The following MND1 variants were observed in gnomAD, a reference collection of about 807,000 sequenced individuals.
MND1 encodes the protein meiotic nuclear divisions 1.
Under a neutral mutation model 35.1 loss-of-function variants are expected in MND1, and 28 were observed. The ratio of observed to expected loss-of-function variants is 0.80; its 90% CI spans 0.59 to 1.09. The LOEUF is 1.09. Among genes scored for constraint, MND1 ranks in the 50% least tolerant of loss-of-function variants. The pLI, the probability that MND1 is intolerant of heterozygous loss-of-function variation, is 0.00. For missense variants in MND1, 213 were observed against 239.6 expected (o/e 0.89, Z 0.73); for synonymous variants, 69 against 70.5 (o/e 0.98, Z 0.11).
chr4:153,371,721 T>C (rs1374555941), intron 4 of MND1, among the ~76,000 whole-genome samples: 2 of 152,210 alleles, frequency 1.3e-5, no homozygotes, highest in Non-Finnish European at 2.9e-5. Flanking sequence ...AATACGGCTG[T>C]TTTGCTTTCT....
intron 6 of MND1, among the ~76,000 whole-genome samples, chr4:153,407,976 A>C (rs550067811): frequency 2.4e-4 from 37 of 152,264 alleles, no homozygotes; most frequent in Admixed American, 1.2e-3. Context: ...TTTTGTGACT[A>C]TCATAAAAAC....
At chr4:153,397,540 G>A (rs1413407028) in intron 6 of MND1, among the ~76,000 whole-genome samples, 1 of 152,124 alleles carries the variant, frequency 6.6e-6, no homozygotes, top group Non-Finnish European at 1.5e-5. Flanking sequence ...TAATGTGCCG[G>A]GCACGTTGGC....
At position 153,353,145 on chromosome 4, in the gene MND1, CAT is replaced by C. The variant is rs529597776; in HGVS notation, c.70-2508_70-2507del. Among the ~76,000 whole-genome samples, 643 of 152,166 alleles carry C rather than the reference CAT, an allele frequency of 4.2e-3. 4 individuals carry two copies. The highest frequency in any genetic ancestry group is 0.013 in the African/African-American group (526 of 41,530). On this transcript the variant is annotated intron_variant, in intron 2 of 7. Coordinates refer to ENST00000240488, the MANE Select transcript of MND1 (RefSeq NM_032117.4). ...AAGACTTAAAGTCAGTAATTTATTA[CAT>C]GTTCCCTGAGATTCTAAAGTATTAT...
chr4:153,345,062 G>A (rs539291288), intron 1 of MND1, among the ~76,000 whole-genome samples: 1 of 152,358 alleles, frequency 6.6e-6, no homozygotes, highest in South Asian at 2.1e-4. Flanking sequence ...GTTCGCGAAC[G>A]TGACCCGAGA....
chr4:153,353,101 T>A (rs1773255265), intron 2 of MND1, among the ~76,000 whole-genome samples: 1 of 152,164 alleles, frequency 6.6e-6, no homozygotes, highest in Non-Finnish European at 1.5e-5. Context: ...TTTGATTAAC[T>A]GTTTTTTCTA....
intron 6 of MND1, among the ~76,000 whole-genome samples, chr4:153,405,016 T>C (rs1729455442): frequency 1.3e-5 from 2 of 152,104 alleles, no homozygotes; most frequent in Non-Finnish European, 2.9e-5. Flanking sequence ...AATCCAGGTG[T>C]GAGCTATTGC....
intron 4 of MND1, among the ~76,000 whole-genome samples, chr4:153,376,710 T>C (rs1266642618): frequency 6.6e-6 from 1 of 152,192 alleles, no homozygotes; most frequent in African/African-American, 2.4e-5. Flanking sequence ...TTTTTGTATT[T>C]GTACCCCTGT....
intron 4 of MND1, among the ~76,000 whole-genome samples, chr4:153,386,651 G>A (rs1210126212): frequency 6.6e-6 from 1 of 152,152 alleles, no homozygotes; most frequent in Non-Finnish European, 1.5e-5. Flanking sequence ...GGGAGGTGGA[G>A]GTTGCAGTGA....
chr4:153,378,579 T>C (rs1438648483), intron 4 of MND1, among the ~76,000 whole-genome samples: 1 of 152,250 alleles, frequency 6.6e-6, no homozygotes, highest in Non-Finnish European at 1.5e-5. Context: ...TGGTGATCCA[T>C]GGAATACACT....
At chr4:153,398,429 C>T (rs540644092) in intron 6 of MND1, among the ~76,000 whole-genome samples, 1 of 152,260 alleles carries the variant, frequency 6.6e-6, no homozygotes, top group Non-Finnish European at 1.5e-5. Context: ...CTGGCCTAGT[C>T]CTTGGCAGTG....
intron 4 of MND1, among the ~76,000 whole-genome samples, chr4:153,369,821 C>T (rs1018348570): frequency 2.6e-5 from 4 of 152,064 alleles, no homozygotes; most frequent in Non-Finnish European, 5.9e-5. Context: ...TTACCCACAA[C>T]AGAACTTTGA....
At chr4:153,378,731 C>T (rs1208224936) in intron 4 of MND1, among the ~76,000 whole-genome samples, 2 of 152,190 alleles carry the variant, frequency 1.3e-5, no homozygotes, top group Non-Finnish European at 2.9e-5. Flanking sequence ...AATCATATCC[C>T]AACATGTGCA....
At chr4:153,401,404 T>G (rs902468654) in intron 6 of MND1, among the ~76,000 whole-genome samples, 2 of 152,116 alleles carry the variant, frequency 1.3e-5, no homozygotes, top group Admixed American at 1.3e-4. Context: ...AAGCTAAAGT[T>G]TTTCAAATTT....
chr4:153,359,932 T>G (rs1358958562), intron 4 of MND1, among the ~76,000 whole-genome samples: 1 of 151,786 alleles, frequency 6.6e-6, no homozygotes, highest in Non-Finnish European at 1.5e-5. Flanking sequence ...GGGTTACAGG[T>G]GCACACCACC....
intron 4 of MND1, among the ~76,000 whole-genome samples, chr4:153,364,490 T>C (rs533211488): frequency 1.3e-5 from 2 of 151,616 alleles, no homozygotes; most frequent in South Asian, 4.2e-4. Flanking sequence ...GCACTGCAGG[T>C]TAGGCCACAG....
chr4:153,352,262 G>C (rs1432240235), intron 2 of MND1, among the ~76,000 whole-genome samples: 1 of 152,106 alleles, frequency 6.6e-6, no homozygotes, highest in Non-Finnish European at 1.5e-5. Context: ...GAGAAAAAGA[G>C]ACATAGACAT....
intron 7 of MND1, among the ~76,000 whole-genome samples, chr4:153,409,852 AC>A (rs1729632163): frequency 6.6e-6 from 1 of 152,156 alleles, no homozygotes; most frequent in Non-Finnish European, 1.5e-5. Context: ...AGAGGGTGAA[AC>A]AGCAAACTGA....
At chr4:153,379,714 G>A (rs937490004) in intron 4 of MND1, among the ~76,000 whole-genome samples, 1 of 151,844 alleles carries the variant, frequency 6.6e-6, no homozygotes, top group Non-Finnish European at 1.5e-5. Context: ...GCTGGGCATG[G>A]TGATGTGTGC....
intron 2 of MND1, among the ~76,000 whole-genome samples, chr4:153,352,664 A>G (rs1278384542): frequency 6.6e-6 from 1 of 150,962 alleles, no homozygotes; most frequent in African/African-American, 2.4e-5. Context: ...TGTTGAGCCC[A>G]AGAGTTTGAG....
Sources: gnomAD v4.1 joint callset for allele counts (sites outside exome capture counted in the v4.1 genomes callset) on GRCh38, gnomAD v4.1.1 for gene constraint, MANE v1.5 for transcripts, NCBI Gene and HGNC (gene_info 2026-07-23, HGNC 2026-07-21) for gene names.